The following DTNA variants were observed in gnomAD, a reference collection of about 807,000 sequenced individuals.
DTNA encodes the protein dystrophin-related protein 3.
DTNA carries 43 observed loss-of-function variants against 100.7 expected under a neutral mutation model. The observed-to-expected ratio is 0.43, with a 90% CI of 0.33 to 0.55. DTNA has a LOEUF of 0.55. Ranked by LOEUF, DTNA falls within the 20% of genes least tolerant of loss-of-function variation. The probability of loss-of-function intolerance (pLI) is 0.04; values close to 1 mark genes in which losing one functional copy is unlikely to be tolerated. For synonymous variants in DTNA, 349 were observed against 347.9 expected, an observed-to-expected ratio of 1.00 and a Z score of -0.04; for missense variants, 798 against 953.9, an observed-to-expected ratio of 0.84 and a Z score of 2.15.
intron 1 of DTNA, among the ~76,000 whole-genome samples, chr18:34,721,851 C>A (rs987039897): frequency 6.6e-6 from 1 of 152,132 alleles, no homozygotes; most frequent in Non-Finnish European, 1.5e-5. Context: ...AGTTATCTTC[C>A]TTGCCTATCG....
chr18:34,540,737 A>G (rs998670027), intron 1 of DTNA, among the ~76,000 whole-genome samples: 1 of 152,118 alleles, frequency 6.6e-6, no homozygotes, highest in African/African-American at 2.4e-5. Context: ...TATTTAGGCA[A>G]AACATAAACT....
intron 16 of DTNA, among the ~76,000 whole-genome samples, chr18:34,859,609 A>G (rs928730800): frequency 2.6e-5 from 4 of 152,200 alleles, no homozygotes; most frequent in Non-Finnish European, 5.9e-5. Context: ...CATCTGCCTC[A>G]CCATACAAAG....
chr18:34,653,778 C>T (rs1423512152), intron 1 of DTNA, among the ~76,000 whole-genome samples: 4 of 152,052 alleles, frequency 2.6e-5, no homozygotes, highest in African/African-American at 9.7e-5. Context: ...GCCAAGACTG[C>T]GCCACTGCAC....
At chr18:34,632,088 A>C (rs1309590699) in intron 1 of DTNA, among the ~76,000 whole-genome samples, 1 of 152,102 alleles carries the variant, frequency 6.6e-6, no homozygotes, top group Admixed American at 6.6e-5. Flanking sequence ...TTTTTCTTTA[A>C]TCCATTTAAA....
At chr18:34,550,578 T>C (rs2045304569) in intron 1 of DTNA, among the ~76,000 whole-genome samples, 1 of 152,176 alleles carries the variant, frequency 6.6e-6, no homozygotes, top group Admixed American at 6.6e-5. Context: ...AGAATTGTCA[T>C]TTTGGGCCTG....
chr18:34,775,051 A>C (rs574339524), intron 3 of DTNA, among the ~76,000 whole-genome samples: 101 of 152,378 alleles, frequency 6.6e-4, no homozygotes, highest in Admixed American at 1.9e-3. Context: ...TCCCCTGAGC[A>C]ATCCCATGCA....
At chr18:34,665,523 T>C (rs1205475821) in intron 1 of DTNA, among the ~76,000 whole-genome samples, 1 of 152,160 alleles carries the variant, frequency 6.6e-6, no homozygotes, top group East Asian at 1.9e-4. Flanking sequence ...GCTGCACCCA[T>C]TAACTCTTCA....
chr18:34,858,495 C>G, intron 16 of DTNA, 97 bp downstream of exon 16: 3 of 1,206,582 alleles, frequency 2.5e-6, no homozygotes, highest in Non-Finnish European at 3.6e-6. Flanking sequence ...CCTCAGCTAC[C>G]TTAGCTGCTG....
chr18:34,890,058 G>A lies in DTNA; in HGVS notation c.*2324G>A. The A allele has an allele frequency of 3.0e-6, 4 of 1,332,546 alleles. No homozygotes were observed. Among genetic ancestry groups the A allele is most frequent in the Non-Finnish European group, 3.8e-6 (4 of 1,043,066 alleles). 82.5% of individuals were successfully genotyped at this position (1,332,546 alleles called of 1,614,324 possible). On this transcript the variant is annotated 3_prime_UTR_variant, in exon 23 of 23. Transcript: ENST00000444659. The stretch of plus-strand genomic sequence containing the variant: ...AACTCAGAACTTAAATCCTGCACGT[G>A]GCACTCCACCACTGACTGGACCGAG...
At chr18:34,740,730 A>G (rs533885073) in intron 1 of DTNA, among the ~76,000 whole-genome samples, 1 of 152,222 alleles carries the variant, frequency 6.6e-6, no homozygotes, top group South Asian at 2.1e-4. Context: ...CAGGAGGTCA[A>G]GGCTGCAATG....
intron 1 of DTNA, among the ~76,000 whole-genome samples, chr18:34,671,154 C>T (rs914157141): frequency 6.6e-6 from 1 of 152,164 alleles, no homozygotes; most frequent in Non-Finnish European, 1.5e-5. Flanking sequence ...CTCGCTGCCA[C>T]CTTATAGTTG....
intron 3 of DTNA, among the ~76,000 whole-genome samples, chr18:34,771,822 AACT>A (rs2093787896): frequency 4.6e-5 from 7 of 152,272 alleles, no homozygotes; most frequent in Non-Finnish European, 1.0e-4. Flanking sequence ...ATACCCCATA[AACT>A]CTTATAAGGA....
chr18:34,684,139 G>T lies in DTNA; in HGVS notation c.-1-71837G>T, dbSNP rs79412740. The stretch of plus-strand genomic sequence containing the variant: ...AGTCATTACAATAATGAACAACATT[G>T]TGATGGGAGATTTTTATGTATATAT... On this transcript the variant is annotated intron_variant, in intron 1 of 19. Coordinates refer to the DTNA transcript ENST00000283365. 4.5e-3 allele frequency among the ~76,000 whole-genome samples: 685 copies of T among 152,112 alleles called. 5 individuals carry two copies. Among genetic ancestry groups the T allele is most frequent in the African/African-American group, 0.015 (636 of 41,514 alleles).
chr18:34,550,382 C>T (rs1390115560), intron 1 of DTNA, among the ~76,000 whole-genome samples: 1 of 152,066 alleles, frequency 6.6e-6, no homozygotes, highest in African/African-American at 2.4e-5. Context: ...GATCTATATG[C>T]AGTGCTAAAC....
intron 3 of DTNA, among the ~76,000 whole-genome samples, chr18:34,776,267 A>G (rs890439919): frequency 6.6e-6 from 1 of 152,186 alleles, no homozygotes; most frequent in Middle Eastern, 3.2e-3. Context: ...TCAAAAGTCA[A>G]CCATTCTGAG....
intron 2 of DTNA, among the ~76,000 whole-genome samples, chr18:34,764,434 G>A (rs2093362996): frequency 6.6e-6 from 1 of 152,154 alleles, no homozygotes; most frequent in Non-Finnish European, 1.5e-5. Flanking sequence ...TTGGCTAAAT[G>A]TTCATCTCTT....
chr18:34,857,322 A>G (rs954805749), intron 15 of DTNA, among the ~76,000 whole-genome samples: 4 of 152,162 alleles, frequency 2.6e-5, no homozygotes, highest in African/African-American at 9.7e-5. Flanking sequence ...GCCCTCCAAA[A>G]TGGAAAGCTA....
chr18:34,677,905 A>G (rs959343752), intron 1 of DTNA, among the ~76,000 whole-genome samples: 24 of 152,178 alleles, frequency 1.6e-4, no homozygotes, highest in African/African-American at 4.3e-4. Flanking sequence ...TTCTCACTCT[A>G]CTATAAAGAA....
Position 34,756,349 on chromosome 18 carries a change from A to G in DTNA, c.67+306A>G, listed in dbSNP as rs73946163. ...TTGATAAACACTATTTAGTGTTGAC[A>G]TTAATACAGTCCACTAAACTTTAAA... On this transcript the variant is annotated intron_variant, in intron 2 of 22. Coordinates refer to ENST00000444659, the MANE Select transcript of DTNA (RefSeq NM_001386795.1). 5.6e-3 allele frequency among the ~76,000 whole-genome samples: 851 copies of G among 152,336 alleles called. 11 individuals carry two copies. Among genetic ancestry groups the G allele is most frequent in the African/African-American group, 0.02 (821 of 41,578 alleles).
Sources: allele counts gnomAD v4.1 joint callset (sites outside exome capture counted in the v4.1 genomes callset), GRCh38; gene constraint gnomAD v4.1.1; transcripts MANE v1.5; gene names NCBI Gene and HGNC (gene_info 2026-07-23, HGNC 2026-07-21).